Variants in PIK3R1 observed in about 807,000 individuals in gnomAD.
The protein encoded by PIK3R1 is phosphatidylinositol 3-kinase regulatory subunit alpha.
PIK3R1 carries 29 observed loss-of-function variants against 98.0 expected under a neutral mutation model. The ratio of observed to expected loss-of-function variants is 0.30; its 90% CI spans 0.22 to 0.40. PIK3R1 has a LOEUF of 0.40. Among genes scored for constraint, PIK3R1 ranks in the 10% least tolerant of loss-of-function variants. The probability of loss-of-function intolerance (pLI) is 1.00; values close to 1 mark genes in which losing one functional copy is unlikely to be tolerated. For synonymous variants in PIK3R1, 282 were observed against 311.8 expected (o/e 0.90, Z 1.01); for missense variants, 596 against 872.7 (o/e 0.68, Z 3.99).
intron 2 of PIK3R1, 99 bp from the exon 3 acceptor site, chr5:68,273,291 G>T: frequency 2.7e-6 from 3 of 1,108,560 alleles, no homozygotes; most frequent in South Asian, 2.5e-5. Flanking sequence ...CTTCTTGCTC[G>T]GGCCTGATGT....
At chr5:68,223,060 CTATA>C (rs1209951553) in intron 1 of PIK3R1, among the ~76,000 whole-genome samples, 2 of 150,864 alleles carry the variant, frequency 1.3e-5, no homozygotes, top group East Asian at 1.9e-4. Flanking sequence ...CTGTATATAA[CTATA>C]TATAGTCAGC....
chr5:68,254,298 TTC>T (rs926555387), intron 2 of PIK3R1, among the ~76,000 whole-genome samples: 40 of 152,230 alleles, frequency 2.6e-4, no homozygotes, highest in Admixed American at 2.4e-3. Context: ...CCTTCTCTTG[TTC>T]TCTCTCTTCA....
chr5:68,230,694 G>T (rs368301355), intron 2 of PIK3R1, among the ~76,000 whole-genome samples: 2 of 152,332 alleles, frequency 1.3e-5, no homozygotes, highest in East Asian at 3.9e-4. Context: ...AGCCAAGTGA[G>T]TAGAGGGGCT....
chr5:68,226,114 T>C (rs1319992589), intron 1 of PIK3R1, among the ~76,000 whole-genome samples, 176 bp from the exon 2 acceptor site: 2 of 152,146 alleles, frequency 1.3e-5, no homozygotes, highest in African/African-American at 4.8e-5. Context: ...CCCCGCCCGG[T>C]GTTCTTAGAA....
Position 68,294,580 on chromosome 5 carries a change from C to T in PIK3R1, c.1470C>T (p.Thr490=), listed in dbSNP as rs1206986871. ...KRTAIEAFNE[T]IKIFEEQCQT... is the part of the protein sequence containing the mutation. The stretch of plus-strand genomic sequence containing the variant: ...CAGCTATTGAAGCATTTAATGAAAC[C>T]ATAAAAATATTTGAAGAACAGTGCC... Residue 490 remains threonine (T), a synonymous_variant, in exon 12 of 16, where the codon ACC becomes ACT. Transcript: ENST00000521381. 5.0e-6 allele frequency: 8 copies of T among 1,610,520 alleles called. No homozygotes were observed. Among genetic ancestry groups the T allele is most frequent in the Non-Finnish European group, 5.9e-6 (7 of 1,178,054 alleles).
chr5:68,221,659 G>A (rs1744096542), intron 1 of PIK3R1, among the ~76,000 whole-genome samples: 1 of 152,200 alleles, frequency 6.6e-6, no homozygotes, highest in African/African-American at 2.4e-5. Flanking sequence ...ACTCAACAAA[G>A]TCAGAGAGGG....
At chr5:68,273,638 G>A in intron 3 of PIK3R1, 156 bp downstream of exon 3, 1 of 664,314 alleles carries the variant, frequency 1.5e-6, no homozygotes, top group Non-Finnish European at 2.6e-6. Context: ...CTAAGTACTG[G>A]GAAAAATGTC....
At chr5:68,252,220 C>A (rs1241550291) in intron 2 of PIK3R1, among the ~76,000 whole-genome samples, 2 of 152,150 alleles carry the variant, frequency 1.3e-5, no homozygotes, top group African/African-American at 2.4e-5. Flanking sequence ...GAATTACAGG[C>A]CCAATTTCAG....
rs1165942941 is a variant in PIK3R1, at chr5:68,301,617, A to G, written c.*4016A>G. On this transcript the variant is annotated 3_prime_UTR_variant, in exon 16 of 16. Coordinates refer to ENST00000521381, the MANE Select transcript of PIK3R1 (RefSeq NM_181523.3). ...TCTGTTTATATGACATTGTTAAAAT[A>G]AAGTTGGTCTTTTGACGAGAGGGAG... 6.5e-6 allele frequency: 1 copy of G among 154,172 alleles called. No individual in the cohort carries two copies. The highest frequency in any genetic ancestry group is 1.4e-5 in the Non-Finnish European group (1 of 74,060). The allele number at this position is 154,172 out of a possible 1,614,324, so 9.6% of individuals were successfully genotyped here.
chr5:68,292,282 CCTA>C lies in PIK3R1; in HGVS notation c.946_948del (p.Thr316del). On this transcript the variant is annotated inframe_deletion, in exon 8 of 16. Transcript: ENST00000521381. ...AGCACTGCCTCCTAAACCACCAAAA[CCTA>C]CTACTGTAGCCAACAACGGTATGAA... 1 of 1,613,352 alleles carries C rather than the reference CCTA, an allele frequency of 6.2e-7. No individual in the cohort carries two copies. The highest frequency in any genetic ancestry group is 8.5e-7 in the Non-Finnish European group (1 of 1,179,428).
chr5:68,293,583 C>A, intron 10 of PIK3R1, 100 bp downstream of exon 10: 2 of 1,207,268 alleles, frequency 1.7e-6, no homozygotes, highest in South Asian at 1.5e-5. Context: ...GTAATCAAGT[C>A]TAAAAAACTT....
intron 7 of PIK3R1, among the ~76,000 whole-genome samples, chr5:68,290,441 A>G (rs1189509129): frequency 6.6e-6 from 1 of 152,190 alleles, no homozygotes; most frequent in Non-Finnish European, 1.5e-5. Context: ...GCTGCTGGAG[A>G]ACAGTCAAAT....
chr5:68,262,417 C>CACACACAT (rs1745799763), intron 2 of PIK3R1, among the ~76,000 whole-genome samples: 1 of 142,620 alleles, frequency 7.0e-6, no homozygotes, highest in African/African-American at 2.6e-5. Flanking sequence ...CACACGCACA[C>CACACACAT]ACACACATAC....
chr5:68,298,290 A>T lies in PIK3R1; in HGVS notation c.*689A>T. On this transcript the variant is annotated 3_prime_UTR_variant, in exon 16 of 16. Coordinates refer to ENST00000521381, the MANE Select transcript of PIK3R1 (RefSeq NM_181523.3). The stretch of plus-strand genomic sequence containing the variant: ...AGTTTGGAAAACAGGACTTAAAATG[A>T]CATTCAGTATATAAAATATGTACAT... 1 of 233,214 alleles carries T rather than the reference A, an allele frequency of 4.3e-6. No homozygotes were observed. Among genetic ancestry groups the T allele is most frequent in the Non-Finnish European group, 8.5e-6 (1 of 117,772 alleles). The allele number at this position is 233,214 out of a possible 1,614,324, so 14.4% of individuals were successfully genotyped here.
chr5:68,271,366 T>C (rs1449996105), intron 2 of PIK3R1, among the ~76,000 whole-genome samples: 1 of 152,192 alleles, frequency 6.6e-6, no homozygotes, highest in Admixed American at 6.5e-5. Context: ...AATCGAGTGG[T>C]AAACATTGCA....
intron 1 of PIK3R1, among the ~76,000 whole-genome samples, chr5:68,222,170 A>G (rs1207567686): frequency 6.6e-6 from 1 of 152,222 alleles, no homozygotes; most frequent in Non-Finnish European, 1.5e-5. Context: ...AAAAGAGAAT[A>G]GAGGCATGAT....
At chr5:68,222,757 CAGTT>C (rs1301775613) in intron 1 of PIK3R1, among the ~76,000 whole-genome samples, 8 of 152,170 alleles carry the variant, frequency 5.3e-5, no homozygotes. Context: ...GGCAGACAGA[CAGTT>C]AAGGTTAATT....
intron 2 of PIK3R1, among the ~76,000 whole-genome samples, chr5:68,244,527 C>CCCG (rs1554046351): frequency 2.3e-5 from 1 of 43,016 alleles, no homozygotes; most frequent in African/African-American, 1.2e-4. Context: ...CCCCCCGCCC[C>CCCG]CCGCCGCCGC....
chr5:68,250,951 A>G (rs1745284224), intron 2 of PIK3R1, among the ~76,000 whole-genome samples: 1 of 152,206 alleles, frequency 6.6e-6, no homozygotes, highest in Non-Finnish European at 1.5e-5. Context: ...TCAGAAGATA[A>G]TTTTAAGAGA....
Sources: gnomAD v4.1 joint callset for allele counts (sites outside exome capture counted in the v4.1 genomes callset) on GRCh38, gnomAD v4.1.1 for gene constraint, MANE v1.5 for transcripts, NCBI Gene and HGNC (gene_info 2026-07-23, HGNC 2026-07-21) for gene names.